Variants in AQR observed in about 807,000 individuals in gnomAD.
AQR encodes the protein RNA helicase aquarius.
A neutral mutation model predicts 180.5 loss-of-function variants in AQR; 61 were observed. The observed-to-expected ratio is 0.34, with a 90% CI of 0.28 to 0.42. The LOEUF (loss-of-function observed/expected upper bound fraction) is 0.42, where lower values mean the gene tolerates loss of function less well. Ranked by LOEUF, AQR falls within the 10% of genes least tolerant of loss-of-function variation. AQR has a pLI of 1.00. For missense variants in AQR, 1,281 were observed against 1,798.3 expected (o/e 0.71, Z 5.20); for synonymous variants, 551 against 588.8 (o/e 0.94, Z 0.93).
intron 12 of AQR, among the ~76,000 whole-genome samples, chr15:34,929,601 A>AT (rs1445518135): frequency 6.6e-6 from 1 of 152,318 alleles, no homozygotes; most frequent in East Asian, 1.9e-4. Flanking sequence ...GCCTTGTAGT[A>AT]TAGTTTGAAG....
chr15:34,967,267 T>TC (rs1291116446), intron 1 of AQR, among the ~76,000 whole-genome samples: 1 of 152,124 alleles, frequency 6.6e-6, no homozygotes, highest in African/African-American at 2.4e-5. Context: ...CAAAACTGGC[T>TC]CCTTCTTTGC....
chr15:34,885,712 A>T (rs972072610), intron 25 of AQR, among the ~76,000 whole-genome samples: 11 of 152,192 alleles, frequency 7.2e-5, no homozygotes, highest in African/African-American at 2.7e-4. Flanking sequence ...AGTCCTAAAC[A>T]GTCTTGAATC....
rs546981984 is a variant in AQR at position 34,912,990 on chromosome 15, C to T, written c.1484+2048G>A. On this transcript the variant is annotated intron_variant, in intron 16 of 34. Coordinates refer to ENST00000156471, the MANE Select transcript of AQR (RefSeq NM_014691.3). ...AAAAGGAATTACTTAGTGGCTAAAC[C>T]CTTGTGAAACAACTTCCTATCACCT... 1.6e-4 allele frequency among the ~76,000 whole-genome samples: 24 copies of T among 152,258 alleles called. No homozygotes were observed. The South Asian group carries it at 4.1e-3, about 26-fold the overall frequency.
In AQR at chr15:34,884,827, G is replaced by A. The variant is rs984743125; in HGVS notation, c.2818-93C>T. 4.2e-6 allele frequency: 4 copies of A among 947,896 alleles called. No individual in the cohort carries two copies. The South Asian group carries it at 4.9e-5, about 12-fold the overall frequency. The allele number at this position is 947,896 out of a possible 1,614,324, so 58.7% of individuals were successfully genotyped here. A position where few individuals can be genotyped will look rare whatever the true frequency, so the allele number is the denominator to read the frequency against. On this transcript the variant is annotated intron_variant, in intron 25 of 34. Coordinates refer to ENST00000156471, the MANE Select transcript of AQR (RefSeq NM_014691.3). ...ATCTTATAAAAACAAGATCTGCTAG[G>A]TGAAAAAGAAAAAAAAAGAAATTCA...
At chr15:34,875,576 T>C (rs989510489) in intron 28 of AQR, among the ~76,000 whole-genome samples, 20 of 151,016 alleles carry the variant, frequency 1.3e-4, no homozygotes, top group African/African-American at 4.6e-4. Flanking sequence ...ATGCACTCAG[T>C]GAAAATGAAA....
chr15:34,852,735 T>C lies in AQR; in HGVS notation c.*4057A>G, dbSNP rs1157906695. 1 of 152,222 alleles carries C rather than the reference T, an allele frequency of 6.6e-6. No homozygotes were observed. The highest frequency in any genetic ancestry group is 1.5e-5 in the Non-Finnish European group (1 of 68,040). 9.4% of individuals were successfully genotyped at this position (152,222 alleles called of 1,614,324 possible). A position where few individuals can be genotyped will look rare whatever the true frequency, so the allele number is the denominator to read the frequency against. ...ACAATAATTCACTGTTTCCCAAACT[T>C]ATCTGACCATAGAACATATTTCTCA... On this transcript the variant is annotated 3_prime_UTR_variant, in exon 35 of 35. Transcript: ENST00000156471.
At chr15:34,954,342 A>G (rs1457649465) in intron 3 of AQR, among the ~76,000 whole-genome samples, 1 of 151,890 alleles carries the variant, frequency 6.6e-6, no homozygotes, top group Non-Finnish European at 1.5e-5. Flanking sequence ...AGCTTGCTCT[A>G]TTGCCCAGGC....
At chr15:34,886,418 T>C in intron 25 of AQR, 108 bp downstream of exon 25, 1 of 1,149,650 alleles carries the variant, frequency 8.7e-7, no homozygotes. Flanking sequence ...TACATTCTAA[T>C]CTACTCAAAA....
At chr15:34,882,473 A>AAG in intron 27 of AQR, 29 bp downstream of exon 27, 1 of 1,444,886 alleles carries the variant, frequency 6.9e-7, no homozygotes, top group African/African-American at 1.4e-5. Context: ...CTTAAAAAAA[A>AAG]AAAAAAAAAA....
chr15:34,879,977 CCCTT>C (rs1006823052), intron 27 of AQR, among the ~76,000 whole-genome samples: 4 of 152,172 alleles, frequency 2.6e-5, no homozygotes, highest in African/African-American at 9.7e-5. Context: ...TCCTCTTTAT[CCCTT>C]CGTATCCCTA....
At chr15:34,917,938 G>A (rs1249403665) in intron 15 of AQR, among the ~76,000 whole-genome samples, 1 of 151,956 alleles carries the variant, frequency 6.6e-6, no homozygotes, top group East Asian at 1.9e-4. Context: ...AGCTGAGACT[G>A]CACCACTGCG....
At chr15:34,891,805 T>C (rs1399611473) in intron 23 of AQR, among the ~76,000 whole-genome samples, 2 of 152,070 alleles carry the variant, frequency 1.3e-5, no homozygotes, top group East Asian at 3.9e-4. Context: ...TGATCCCCCT[T>C]CAACTCCCAC....
In AQR at chr15:34,852,183, T is replaced by G. The variant is rs912562111; in HGVS notation, c.*4609A>C. ...TAGCTACCTAAGTTATGTTTTTTTT[T>G]TTTTTTTGAAGGAGTTTTTGCTCGT... On this transcript the variant is annotated 3_prime_UTR_variant, in exon 35 of 35. Transcript: ENST00000156471. The G allele has an allele frequency of 3.3e-5, 5 of 152,186 alleles. No individual in the cohort carries two copies. The highest frequency in any genetic ancestry group is 3.4e-3 in the Middle Eastern group (1 of 294). 9.4% of individuals were successfully genotyped at this position (152,186 alleles called of 1,614,324 possible). A position where few individuals can be genotyped will look rare whatever the true frequency, so the allele number is the denominator to read the frequency against.
chr15:34,881,864 G>A (rs1892977746), intron 27 of AQR, among the ~76,000 whole-genome samples: 1 of 152,086 alleles, frequency 6.6e-6, no homozygotes, highest in Non-Finnish European at 1.5e-5. Context: ...GGAGGGCAGG[G>A]GCACAATCTC....
intron 8 of AQR, among the ~76,000 whole-genome samples, chr15:34,939,896 G>A (rs1210142317): frequency 6.6e-6 from 1 of 152,182 alleles, no homozygotes; most frequent in Non-Finnish European, 1.5e-5. Flanking sequence ...GCTTAGAGGT[G>A]AAGTAACTTG....
chr15:34,940,877 A>AAATGAAGCTCTGCCAACATAC (rs771528484), intron 8 of AQR, 22 bp downstream of exon 8: 4 of 1,553,302 alleles, frequency 2.6e-6, no homozygotes, highest in Middle Eastern at 1.7e-4. Context: ...AGCCAACATG[A>AAATGAAGCTCTGCCAACATAC]AATGAAGCTC....
At position 34,883,485 on chromosome 15, in the gene AQR, G is replaced by A. The variant is rs895710907; in HGVS notation, c.3028-846C>T. On this transcript the variant is annotated intron_variant, in intron 26 of 34. Coordinates refer to ENST00000156471, the MANE Select transcript of AQR (RefSeq NM_014691.3). ...GTATGTTTTTATCCTTTTACTTTGT[G>A]TTTATGTAACCATAAACATAATACA... 2.6e-5 allele frequency among the ~76,000 whole-genome samples: 4 copies of A among 152,140 alleles called. No homozygotes were observed. The East Asian group carries it at 7.7e-4, about 29-fold the overall frequency.
chr15:34,947,474 C>A (rs1894145959), intron 5 of AQR, among the ~76,000 whole-genome samples: 1 of 145,768 alleles, frequency 6.9e-6, no homozygotes, highest in African/African-American at 2.5e-5. Context: ...CCTGCCAAAT[C>A]CCCCTCTGCG....
chr15:34,958,171 G>A (rs1894354732), intron 3 of AQR, among the ~76,000 whole-genome samples: 1 of 152,118 alleles, frequency 6.6e-6, no homozygotes, highest in African/African-American at 2.4e-5. Context: ...TCATGCCACT[G>A]CACTCCAGCC....
Sources: gnomAD v4.1 joint callset for allele counts (sites outside exome capture counted in the v4.1 genomes callset) on GRCh38, gnomAD v4.1.1 for gene constraint, MANE v1.5 for transcripts, NCBI Gene and HGNC (gene_info 2026-07-23, HGNC 2026-07-21) for gene names.